CES5A: variants seen among roughly 807,000 people sequenced by gnomAD.
CES5A encodes the protein carboxylesterase 5A, also known as carboxylesterase 5.
A neutral mutation model predicts 62.9 loss-of-function variants in CES5A; 67 were observed. The observed-to-expected ratio is 1.07, with a 90% confidence interval of 0.88 to 1.31. The LOEUF (loss-of-function observed/expected upper bound fraction) is 1.31, where lower values mean the gene tolerates loss of function less well. Ranked by LOEUF, CES5A falls within the 50% of genes most tolerant of loss-of-function variation. The pLI is 0.00. For missense variants in CES5A, 748 were observed against 708.5 expected (o/e 1.06, Z -0.63); for synonymous variants, 296 against 280.8 (o/e 1.05, Z -0.54).
upstream of CES5A, among the ~76,000 whole-genome samples, chr16:55,927,534 C>T (rs1236729696): frequency 6.6e-6 from 1 of 152,178 alleles, no homozygotes; most frequent in East Asian, 1.9e-4. Flanking sequence ...CACCACTAAT[C>T]ATCAGGAAAA....
At chr16:55,888,046 A>G (rs1388432346) in intron 1 of CES5A, among the ~76,000 whole-genome samples, 2 of 152,196 alleles carry the variant, frequency 1.3e-5, no homozygotes, top group African/African-American at 4.8e-5. Context: ...ATTTGCACAG[A>G]AGGGCTGTGT....
chr16:55,918,051 T>G (rs1250816379), intron 1 of CES5A, among the ~76,000 whole-genome samples: 5 of 152,096 alleles, frequency 3.3e-5, no homozygotes, highest in South Asian at 2.1e-4. Flanking sequence ...GAAGCAGCAG[T>G]CAGCATCCTT....
At chr16:55,915,804 A>C (rs2034142834) in intron 1 of CES5A, among the ~76,000 whole-genome samples, 1 of 152,154 alleles carries the variant, frequency 6.6e-6, no homozygotes, top group South Asian at 2.1e-4. Flanking sequence ...CGTTTGCATG[A>C]TGTCTGACTT....
intron 1 of CES5A, among the ~76,000 whole-genome samples, chr16:55,954,933 T>C (rs1177931510): frequency 6.6e-6 from 1 of 152,180 alleles, no homozygotes; most frequent in Non-Finnish European, 1.5e-5. Flanking sequence ...CTACCACCTG[T>C]GGATTCTTGG....
chr16:55,943,789 G>A (rs987430444), intron 2 of CES5A, among the ~76,000 whole-genome samples: 82 of 152,098 alleles, frequency 5.4e-4, no homozygotes, highest in African/African-American at 1.8e-3. Context: ...AAGACAGGCC[G>A]GAAAGGAAGG....
chr16:55,897,495 C>A lies in CES5A; in HGVS notation c.-255-23458G>T, dbSNP rs1041200832. 4.6e-5 allele frequency among the ~76,000 whole-genome samples: 7 copies of A among 152,118 alleles called. No individual in the cohort carries two copies. The South Asian group carries it at 8.3e-4, about 18-fold the overall frequency. On this transcript the variant is annotated intron_variant, in intron 1 of 12. Coordinates refer to the CES5A transcript ENST00000518005. ...ACTTGGCCTTTCTTGTCAGTCAACACCCAAACCAAAGGGATCAGTCCTATG... is the reference window on the plus strand; with the variant it reads ...ACTTGGCCTTTCTTGTCAGTCAACAACCAAACCAAAGGGATCAGTCCTATG...
chr16:55,865,481 A>T (rs1202567442), intron 5 of CES5A, among the ~76,000 whole-genome samples: 1 of 152,240 alleles, frequency 6.6e-6, no homozygotes, highest in Non-Finnish European at 1.5e-5. Context: ...TGAATTTTGC[A>T]GGTGGTTTAT....
chr16:55,851,507 G>C (rs2033132619), intron 10 of CES5A, among the ~76,000 whole-genome samples: 1 of 152,168 alleles, frequency 6.6e-6, no homozygotes, highest in African/African-American at 2.4e-5. Context: ...AACAAATGTT[G>C]GTCAAGATGT....
rs147160800 is a variant in CES5A, at chr16:55,938,711, G to T, written c.160+11074C>A. 8.2e-3 allele frequency among the ~76,000 whole-genome samples: 946 copies of T among 115,404 alleles called. 10 individuals are homozygous for T. The highest frequency in any genetic ancestry group is 0.03 in the African/African-American group (879 of 29,480). 75.7% of individuals were successfully genotyped at this position (115,404 alleles called of 152,430 possible). ...AGACCATGCCACTGCACTCCAGCCT[G>T]GGGGAGAGAGTGAGACTCCATCTCA... On this transcript the variant is annotated intron_variant, in intron 2 of 13. Transcript: ENST00000521992.
chr16:55,899,208 T>C (rs2033964673), intron 1 of CES5A, among the ~76,000 whole-genome samples: 1 of 152,108 alleles, frequency 6.6e-6, no homozygotes, highest in African/African-American at 2.4e-5. Flanking sequence ...TGCAGAGGAA[T>C]GGGGAGAGCA....
intron 2 of CES5A, among the ~76,000 whole-genome samples, chr16:55,930,546 T>TAA (rs2034299835): frequency 6.6e-6 from 1 of 152,200 alleles, no homozygotes; most frequent in East Asian, 1.9e-4. Flanking sequence ...TGTGCCACCT[T>TAA]GGGACTCTGC....
chr16:55,875,079 A>G, intron 1 of CES5A, 70 bp downstream of exon 1: 1 of 1,461,042 alleles, frequency 6.8e-7, no homozygotes. Context: ...GAATAACTTC[A>G]TTTCTACCAG....
rs1229122731 is a variant in CES5A at position 55,849,761 on chromosome 16, G to A, written c.1286C>T (p.Pro429Leu). 9 of 1,613,884 alleles carry A rather than the reference G, an allele frequency of 5.6e-6. No individual in the cohort carries two copies. The highest frequency in any genetic ancestry group is 7.6e-6 in the Non-Finnish European group (9 of 1,179,868). Reference protein sequence around the residue: ...TARYHRDAGAPVYFYEFRHRP... With the variant: ...TARYHRDAGALVYFYEFRHRP... ...GTGCCGAAACTCATAGAAGTAGACAGGTGCACCAGCATCTGACAAAAGGTC... is the reference window on the plus strand; with the variant it reads ...GTGCCGAAACTCATAGAAGTAGACAAGTGCACCAGCATCTGACAAAAGGTC... Residue 429 changes from proline (P) to leucine (L), a missense_variant, in exon 11 of 13, where the codon CCT becomes CTT. By Grantham distance (98) the Pro-to-Leu change is moderately conservative. Coordinates refer to ENST00000290567, the MANE Select transcript of CES5A (RefSeq NM_001143685.2).
At chr16:55,928,234 C>T (rs2142466216), upstream of CES5A, among the ~76,000 whole-genome samples, 1 of 151,726 alleles carries the variant, frequency 6.6e-6, no homozygotes, top group Non-Finnish European at 1.5e-5. Flanking sequence ...CAGAGCGAGA[C>T]TCTGTCTCAA....
At chr16:55,926,487 G>A (rs1213948612), upstream of CES5A, among the ~76,000 whole-genome samples, 2 of 152,198 alleles carry the variant, frequency 1.3e-5, no homozygotes, top group Non-Finnish European at 2.9e-5. Flanking sequence ...AACCATGTCA[G>A]TGAAGTCATT....
chr16:55,909,085 A>C (rs1239365076), intron 1 of CES5A, among the ~76,000 whole-genome samples: 3 of 152,244 alleles, frequency 2.0e-5, no homozygotes, highest in African/African-American at 7.2e-5. Context: ...TGGGATTTGT[A>C]ACAAGCCCAC....
At chr16:55,868,068 C>T (rs541510326) in intron 4 of CES5A, among the ~76,000 whole-genome samples, 2 of 152,298 alleles carry the variant, frequency 1.3e-5, no homozygotes, top group African/African-American at 4.8e-5. Flanking sequence ...AAAGCCAAAA[C>T]TCCATGTATG....
At chr16:55,870,283 G>A (rs2033556481) in intron 3 of CES5A, among the ~76,000 whole-genome samples, 1 of 151,800 alleles carries the variant, frequency 6.6e-6, no homozygotes, top group South Asian at 2.1e-4. Context: ...AGGAATGGAG[G>A]AGGTGAGAGG....
upstream of CES5A, among the ~76,000 whole-genome samples, chr16:55,927,239 T>C (rs1199840257): frequency 2.0e-5 from 3 of 152,042 alleles, no homozygotes; most frequent in Non-Finnish European, 4.4e-5. Flanking sequence ...CAAAAGCAAA[T>C]GCAATATAAT....
Sources: allele counts gnomAD v4.1 joint callset (sites outside exome capture counted in the v4.1 genomes callset), GRCh38; gene constraint gnomAD v4.1.1; transcripts MANE v1.5; gene names NCBI Gene and HGNC (gene_info 2026-07-23, HGNC 2026-07-21).